Variants in TNR observed in about 807,000 individuals in gnomAD.
TNR encodes tenascin R.
A neutral mutation model predicts 150.4 loss-of-function variants in TNR; 45 were observed. The ratio of observed to expected loss-of-function variants is 0.30; its 90% CI spans 0.24 to 0.38. TNR has a LOEUF of 0.38. Ranked by LOEUF, TNR falls within the 10% of genes least tolerant of loss-of-function variation. The pLI is 1.00. For missense variants in TNR, 1,544 were observed against 1,759.1 expected (o/e 0.88, Z 2.19); for synonymous variants, 687 against 678.4 (o/e 1.01, Z -0.20).
At chr1:175,598,446 A>T (rs976073378) in intron 1 of TNR, among the ~76,000 whole-genome samples, 1 of 152,186 alleles carries the variant, frequency 6.6e-6, no homozygotes, top group African/African-American at 2.4e-5. Context: ...CACAAACAAA[A>T]GGAATATTAA....
intron 1 of TNR, among the ~76,000 whole-genome samples, chr1:175,663,057 A>G (rs1665425144): frequency 6.6e-6 from 1 of 152,198 alleles, no homozygotes; most frequent in South Asian, 2.1e-4. Context: ...AGCCCTTGGT[A>G]AGTGCACAAA....
intron 4 of TNR, 40 bp downstream of exon 4, chr1:175,403,100 A>C (rs1653788126): frequency 6.4e-7 from 1 of 1,556,062 alleles, no homozygotes; most frequent in South Asian, 1.2e-5. Context: ...AGTTTGCTGG[A>C]CCACCCTTGC....
In TNR at chr1:175,318,445, T is replaced by C. The variant is rs1648902789; in HGVS notation, c.*4912A>G. 6.6e-6 allele frequency: 1 copy of C among 150,816 alleles called. No individual in the cohort carries two copies. Among genetic ancestry groups the C allele is most frequent in the Admixed American group, 6.6e-5 (1 of 15,188 alleles). The allele number at this position is 150,816 out of a possible 1,614,324, so 9.3% of individuals were successfully genotyped here. The stretch of plus-strand genomic sequence containing the variant: ...AAAGAACCAGAGACATTTTTTCAAA[T>C]TGGACCTGAATCTACACCAATACAT... On this transcript the variant is annotated 3_prime_UTR_variant, in exon 23 of 23. Transcript: ENST00000367674.
rs1648911990 is a variant in TNR, at chr1:175,318,810, C to A, written c.*4547G>T. On this transcript the variant is annotated 3_prime_UTR_variant, in exon 23 of 23. Transcript: ENST00000367674. ...GCAGAGCTGAGTATGCAGCTCCTGG[C>A]ATCTGGGTGGGAGGCAGACTCCCAG... 1 of 152,166 alleles carries A rather than the reference C, an allele frequency of 6.6e-6. No individual in the cohort carries two copies. Among genetic ancestry groups the A allele is most frequent in the South Asian group, 2.1e-4 (1 of 4,812 alleles). The allele number at this position is 152,166 out of a possible 1,614,324, so 9.4% of individuals were successfully genotyped here.
At chr1:175,525,080 C>A (rs561570090) in intron 2 of TNR, among the ~76,000 whole-genome samples, 1 of 152,132 alleles carries the variant, frequency 6.6e-6, no homozygotes. Context: ...ATCATGTGGG[C>A]GGTTACCTCT....
chr1:175,599,115 C>G lies in TNR; in HGVS notation c.-164-70746G>C, dbSNP rs918427503. On this transcript the variant is annotated intron_variant, in intron 1 of 22. Coordinates refer to ENST00000367674, the MANE Select transcript of TNR (RefSeq NM_003285.3). This position sits in a 1 kb window ranked among gnomAD's most constrained non-coding sequence, Gnocchi z 4.7. ...ACTCCATTCCAGCCTCTATGGGCCC[C>G]GGGTTGCGGGGGGTCACCAATTTGC... Among the ~76,000 whole-genome samples, 1 of 152,034 alleles carries G rather than the reference C, an allele frequency of 6.6e-6. No homozygotes were observed. The highest frequency in any genetic ancestry group is 1.9e-4 in the East Asian group (1 of 5,178).
chr1:175,502,759 A>G (rs1658790786), intron 2 of TNR, among the ~76,000 whole-genome samples: 1 of 152,200 alleles, frequency 6.6e-6, no homozygotes, highest in Non-Finnish European at 1.5e-5. Flanking sequence ...CACCTAAGGA[A>G]GCCCAGATGA....
chr1:175,512,367 A>T (rs943022252), intron 2 of TNR, among the ~76,000 whole-genome samples: 1 of 152,258 alleles, frequency 6.6e-6, no homozygotes, highest in Non-Finnish European at 1.5e-5. Context: ...CAAAGTCACA[A>T]GGTTTTCTTT....
chr1:175,724,431 G>A (rs1404584842), intron 1 of TNR, among the ~76,000 whole-genome samples: 2 of 152,138 alleles, frequency 1.3e-5, no homozygotes, highest in Non-Finnish European at 2.9e-5. Flanking sequence ...TACCAAGGGG[G>A]ATGGTGCTAA....
At chr1:175,596,535 T>C (rs769603381) in intron 1 of TNR, among the ~76,000 whole-genome samples, 4 of 152,212 alleles carry the variant, frequency 2.6e-5, no homozygotes, top group Admixed American at 1.3e-4. Context: ...TGAAAATCAA[T>C]GATCTTTCTA....
rs1340736640 is a variant in TNR, at chr1:175,362,798, C to G, written c.2719G>C (p.Asp907His). Residue 907 changes from aspartate (D) to histidine (H), a missense_variant, in exon 14 of 23, where the codon GAC (aspartate) becomes CAC (histidine). Around this residue, in one of 2 missense-constraint regions of TNR, gnomAD observed 1,254 missense variants for 1,329.4 expected, o/e 0.94. Transcript: ENST00000367674. ...ACAGTGTTGGGCACCACTGAGCTGT[C>G]TAGTCGTCCCACTGGAGAAGAGAAG... ...SYRPTQVGRL[D>H]SSVVPNTVTE... 1 of 1,614,062 alleles carries G rather than the reference C, an allele frequency of 6.2e-7. No homozygotes were observed. The highest frequency in any genetic ancestry group is 8.5e-7 in the Non-Finnish European group (1 of 1,179,962).
intron 20 of TNR, among the ~76,000 whole-genome samples, chr1:175,333,724 G>T (rs2101988882): frequency 6.6e-6 from 1 of 152,322 alleles, no homozygotes; most frequent in Non-Finnish European, 1.5e-5. Context: ...AGACAGACAG[G>T]AAGTAAAATG....
chr1:175,504,624 C>T (rs1658876311), intron 2 of TNR, among the ~76,000 whole-genome samples: 1 of 152,134 alleles, frequency 6.6e-6, no homozygotes, highest in Admixed American at 6.5e-5. Context: ...CTGTGGGTCA[C>T]TCCCCTCCCC....
intron 9 of TNR, among the ~76,000 whole-genome samples, chr1:175,371,768 T>C (rs1652116189): frequency 6.6e-6 from 1 of 152,174 alleles, no homozygotes; most frequent in African/African-American, 2.4e-5. Context: ...ACAAAACTGA[T>C]ACATGATACA....
intron 1 of TNR, among the ~76,000 whole-genome samples, chr1:175,641,224 T>G (rs192109655): frequency 6.6e-6 from 1 of 151,864 alleles, no homozygotes; most frequent in Non-Finnish European, 1.5e-5. Context: ...TCATACATAC[T>G]AGCAAGTGGC....
At chr1:175,728,881 C>T (rs981751463) in intron 1 of TNR, among the ~76,000 whole-genome samples, 1 of 152,198 alleles carries the variant, frequency 6.6e-6, no homozygotes, top group Non-Finnish European at 1.5e-5. Context: ...TTTCCTCCTA[C>T]TTAAGGAACA....
chr1:175,593,841 A>G (rs1026316279), intron 1 of TNR, among the ~76,000 whole-genome samples: 1 of 152,198 alleles, frequency 6.6e-6, no homozygotes, highest in Admixed American at 6.5e-5. Context: ...CACAGCACCA[A>G]GTGTCCTCCC....
chr1:175,540,982 C>G (rs1222022611), intron 1 of TNR, among the ~76,000 whole-genome samples: 1 of 152,144 alleles, frequency 6.6e-6, no homozygotes, highest in East Asian at 1.9e-4. Flanking sequence ...CCTGCCTCCT[C>G]TCTGTACTCT....
At chr1:175,392,500 AG>A (rs1249097975) in intron 6 of TNR, among the ~76,000 whole-genome samples, 2 of 152,222 alleles carry the variant, frequency 1.3e-5, no homozygotes, top group African/African-American at 4.8e-5. Context: ...TATAGGTAAC[AG>A]GAGAACCTGG....
Sources: gnomAD v4.1 joint callset for allele counts (sites outside exome capture counted in the v4.1 genomes callset) on GRCh38, gnomAD v4.1.1 for gene constraint, gnomAD v4.1.1 regional missense constraint, Gnocchi (gnomAD v3.1) non-coding constraint, MANE v1.5 for transcripts, NCBI Gene and HGNC (gene_info 2026-07-23, HGNC 2026-07-21) for gene names.